The following CELF4 variants were observed in gnomAD, a reference collection of about 807,000 sequenced individuals.
CELF4 encodes the protein CUG-BP- and ETR-3-like factor 4.
CELF4 carries 18 observed loss-of-function variants against 59.9 expected under a neutral mutation model. The observed-to-expected ratio is 0.30, with a 90% CI of 0.21 to 0.45. The LOEUF is 0.45. CELF4 is among the 20% of genes least tolerant of loss of function. CELF4 has a pLI of 1.00. For synonymous variants in CELF4, 261 were observed against 267.1 expected, an observed-to-expected ratio of 0.98 and a Z score of 0.22; for missense variants, 456 against 689.0, an observed-to-expected ratio of 0.66 and a Z score of 3.79.
At chr18:37,501,014 T>A (rs2099931259) in intron 1 of CELF4, among the ~76,000 whole-genome samples, 1 of 152,170 alleles carries the variant, frequency 6.6e-6, no homozygotes, top group Non-Finnish European at 1.5e-5. Flanking sequence ...GTGGGGCTGA[T>A]CAGAGGCCTT....
intron 2 of CELF4, among the ~76,000 whole-genome samples, chr18:37,471,191 T>C (rs1313381922): frequency 2.0e-5 from 3 of 152,038 alleles, no homozygotes; most frequent in Non-Finnish European, 4.4e-5. Context: ...CCTGTGCCCA[T>C]TGAGGCTGCT....
At chr18:37,432,501 C>T (rs1192281714) in intron 2 of CELF4, among the ~76,000 whole-genome samples, 1 of 152,220 alleles carries the variant, frequency 6.6e-6, no homozygotes, top group Non-Finnish European at 1.5e-5. Flanking sequence ...AGACAATGAA[C>T]GCTGCACCCG....
chr18:37,278,472 C>T (rs1255879760), intron 3 of CELF4, among the ~76,000 whole-genome samples: 3 of 152,186 alleles, frequency 2.0e-5, no homozygotes, highest in South Asian at 2.1e-4. Flanking sequence ...TTTGAGTTTG[C>T]GAGTGGACTT....
intron 2 of CELF4, among the ~76,000 whole-genome samples, chr18:37,378,658 T>G (rs1177968620): frequency 1.3e-5 from 2 of 151,614 alleles, no homozygotes; most frequent in Non-Finnish European, 2.9e-5. Context: ...GAAAGAGCAC[T>G]TGGGGGTAAG....
rs1307658517 is a variant in CELF4, at chr18:37,306,929, G to A, written c.448+14874C>T. Among the ~76,000 whole-genome samples the A allele has an allele frequency of 2.0e-5, 3 of 152,178 alleles. No homozygotes were observed. In the South Asian group the frequency reaches 6.2e-4, roughly 32 times the overall value. On this transcript the variant is annotated intron_variant, in intron 3 of 12. Coordinates refer to ENST00000420428, the MANE Select transcript of CELF4 (RefSeq NM_020180.4). ...ATTCTGCACTTGACAGGACAGCATC[G>A]CTTCATTTCTCAAATGCTGGGGCCC...
rs574990122 is a variant in CELF4, at chr18:37,536,524, C to T, written c.286+28832G>A. ...CTATGCAGGGCACCTGTGTGCTGCT[C>T]GCTAGCGCCTTTTCTCCACGTTTTT... On this transcript the variant is annotated intron_variant, in intron 1 of 12. Coordinates refer to ENST00000420428, the MANE Select transcript of CELF4 (RefSeq NM_020180.4). Among the ~76,000 whole-genome samples the T allele has an allele frequency of 6.6e-5, 10 of 152,306 alleles. 1 individual carries two copies. In the South Asian group the frequency reaches 1.9e-3, roughly 28 times the overall value.
intron 3 of CELF4, among the ~76,000 whole-genome samples, chr18:37,302,607 G>A (rs956372565): frequency 1.3e-5 from 2 of 152,208 alleles, no homozygotes; most frequent in Admixed American, 6.5e-5. Flanking sequence ...GTGGGGAGGT[G>A]GAGGGAGGGA....
At chr18:37,377,653 TGGGC>T (rs1441860809) in intron 2 of CELF4, among the ~76,000 whole-genome samples, 1 of 152,202 alleles carries the variant, frequency 6.6e-6, no homozygotes, top group Non-Finnish European at 1.5e-5. Flanking sequence ...AGCTTGCGAC[TGGGC>T]TTTCAGGAAG....
intron 2 of CELF4, among the ~76,000 whole-genome samples, chr18:37,358,198 AG>A (rs1347697535): frequency 6.6e-6 from 1 of 152,120 alleles, no homozygotes; most frequent in African/African-American, 2.4e-5. Context: ...ATGTTGTGGG[AG>A]GGACCCGGTG....
chr18:37,542,957 T>C (rs937951496), intron 1 of CELF4, among the ~76,000 whole-genome samples: 1 of 152,060 alleles, frequency 6.6e-6, no homozygotes, highest in Non-Finnish European at 1.5e-5. Context: ...CCTGCCTCCC[T>C]TGAACTTGGT....
At chr18:37,381,861 T>C (rs2099044580) in intron 2 of CELF4, among the ~76,000 whole-genome samples, 1 of 152,154 alleles carries the variant, frequency 6.6e-6, no homozygotes. Context: ...CTGAGTGCTT[T>C]ACCACTGGCA....
At chr18:37,534,404 C>G (rs978149087) in intron 1 of CELF4, among the ~76,000 whole-genome samples, 2 of 152,126 alleles carry the variant, frequency 1.3e-5, no homozygotes, top group Non-Finnish European at 2.9e-5. Flanking sequence ...CGCTGTCCCT[C>G]GGTCCCCACC....
intron 3 of CELF4, among the ~76,000 whole-genome samples, chr18:37,284,251 AC>A (rs1269864539): frequency 6.6e-6 from 1 of 150,950 alleles, no homozygotes; most frequent in African/African-American, 2.4e-5. Context: ...ACACAGATAC[AC>A]CAACACACAC....
At chr18:37,364,332 T>G (rs1483722776) in intron 2 of CELF4, among the ~76,000 whole-genome samples, 1 of 152,192 alleles carries the variant, frequency 6.6e-6, no homozygotes, top group Non-Finnish European at 1.5e-5. Context: ...GCAGGAGAAA[T>G]GACAAGTGTC....
intron 2 of CELF4, among the ~76,000 whole-genome samples, chr18:37,378,615 AAC>A (rs1323061853): frequency 6.6e-6 from 1 of 152,232 alleles, no homozygotes; most frequent in Non-Finnish European, 1.5e-5. Flanking sequence ...CCATGAAATA[AAC>A]ACATATATAT....
chr18:37,545,963 C>T (rs2099981291), intron 1 of CELF4, among the ~76,000 whole-genome samples: 1 of 152,170 alleles, frequency 6.6e-6, no homozygotes, highest in African/African-American at 2.4e-5. Flanking sequence ...AGCGTCCCAC[C>T]CAACTAGGTT....
chr18:37,450,205 C>T (rs966980627), intron 2 of CELF4, among the ~76,000 whole-genome samples: 3 of 151,916 alleles, frequency 2.0e-5, no homozygotes, highest in Non-Finnish European at 2.9e-5. Context: ...GGTATATTTT[C>T]GTATGTGTGT....
intron 3 of CELF4, among the ~76,000 whole-genome samples, chr18:37,296,501 G>C (rs915009906): frequency 6.6e-6 from 1 of 152,162 alleles, no homozygotes; most frequent in Admixed American, 6.5e-5. Flanking sequence ...TGGCCGGTTT[G>C]TTTTTAATGT....
chr18:37,322,952 G>A (rs1263447739), intron 2 of CELF4, among the ~76,000 whole-genome samples: 1 of 152,196 alleles, frequency 6.6e-6, no homozygotes, highest in Admixed American at 6.5e-5. Flanking sequence ...ACATGGCTGG[G>A]AAGTGGGGCC....
Sources: gnomAD v4.1 joint callset for allele counts (sites outside exome capture counted in the v4.1 genomes callset) on GRCh38, gnomAD v4.1.1 for gene constraint, MANE v1.5 for transcripts, NCBI Gene and HGNC (gene_info 2026-07-23, HGNC 2026-07-21) for gene names.